HIVEP1: variants seen among roughly 807,000 people sequenced by gnomAD.
The protein encoded by HIVEP1 is HIVEP zinc finger 1, also known as zinc finger protein 40.
In HIVEP1, 36 loss-of-function variants were observed where a neutral mutation model predicts 180.0. The observed-to-expected ratio is 0.20, with a 90% CI of 0.15 to 0.26. HIVEP1 has a LOEUF of 0.26. Ranked by LOEUF, HIVEP1 falls within the 10% of genes least tolerant of loss-of-function variation. The pLI is 1.00. For missense variants in HIVEP1, 3,143 were observed against 3,268.7 expected (o/e 0.96, Z 0.94); for synonymous variants, 1,239 against 1,239.0 (o/e 1.00, Z 0.00).
At chr6:12,105,520 A>G (rs891981114) in intron 3 of HIVEP1, among the ~76,000 whole-genome samples, 1 of 152,096 alleles carries the variant, frequency 6.6e-6, no homozygotes, top group African/African-American at 2.4e-5. Flanking sequence ...GATCATGTTT[A>G]TATTTTGTCT....
intron 6 of HIVEP1, 41 bp from the exon 7 acceptor site, chr6:12,135,750 A>G: frequency 7.5e-7 from 1 of 1,325,060 alleles, no homozygotes; most frequent in Non-Finnish European, 1.1e-6. Flanking sequence ...CAATAGCAAA[A>G]TCATACTACT....
chr6:12,157,461 T>C (rs375091757), intron 7 of HIVEP1, among the ~76,000 whole-genome samples: 1 of 152,212 alleles, frequency 6.6e-6, no homozygotes, highest in Non-Finnish European at 1.5e-5. Flanking sequence ...TACTGACTTA[T>C]TATTTATACT....
intron 7 of HIVEP1, among the ~76,000 whole-genome samples, chr6:12,142,244 A>G (rs1759084908): frequency 1.3e-5 from 2 of 152,200 alleles, no homozygotes; most frequent in Admixed American, 6.5e-5. Flanking sequence ...TCAAAACCGC[A>G]CAACTACATG....
At chr6:12,015,284 A>G (rs1767669273) in intron 1 of HIVEP1, among the ~76,000 whole-genome samples, 1 of 152,178 alleles carries the variant, frequency 6.6e-6, no homozygotes, top group Non-Finnish European at 1.5e-5. Context: ...TAAAACACAA[A>G]GTGAGTTTTT....
chr6:12,030,910 C>G (rs1768896052), intron 2 of HIVEP1, among the ~76,000 whole-genome samples: 2 of 152,128 alleles, frequency 1.3e-5, no homozygotes, highest in Admixed American at 6.5e-5. Context: ...GGATTCTGAT[C>G]CTTGCTCCCT....
intron 2 of HIVEP1, among the ~76,000 whole-genome samples, chr6:12,072,098 T>A (rs1329575224): frequency 1.3e-5 from 2 of 149,506 alleles, no homozygotes; most frequent in Non-Finnish European, 3.0e-5. Context: ...TTTTTTTTTT[T>A]ATTAAATAAA....
At chr6:12,076,785 C>G (rs927726029) in intron 2 of HIVEP1, among the ~76,000 whole-genome samples, 6 of 152,068 alleles carry the variant, frequency 3.9e-5, no homozygotes, top group South Asian at 4.1e-4. Flanking sequence ...ACATCGAGAC[C>G]ACAGCAGACA....
downstream of HIVEP1, among the ~76,000 whole-genome samples, chr6:12,167,652 T>TTACATGTATCTATAC (rs1562023676): frequency 5.2e-5 from 1 of 19,214 alleles, no homozygotes; most frequent in African/African-American, 2.0e-4. Context: ...TATACATATA[T>TTACATGTATCTATAC]ATGTTATATA....
At chr6:12,042,338 C>T (rs986776892) in intron 2 of HIVEP1, among the ~76,000 whole-genome samples, 10 of 149,862 alleles carry the variant, frequency 6.7e-5, no homozygotes, top group Non-Finnish European at 1.3e-4. Flanking sequence ...GCCTCGGCCT[C>T]CCAAAGTGCT....
At chr6:12,135,405 C>G (rs566758790) in intron 6 of HIVEP1, among the ~76,000 whole-genome samples, 3 of 152,230 alleles carry the variant, frequency 2.0e-5, no homozygotes, top group East Asian at 3.9e-4. Flanking sequence ...TGCAAAGAAA[C>G]AAATGAGAAA....
chr6:12,205,150 T>A, the HIVEP1 span, among the ~76,000 whole-genome samples: 5 of 152,132 alleles, frequency 3.3e-5, no homozygotes, highest in Non-Finnish European at 7.4e-5. Context: ...GCTCTCCCTC[T>A]GAGTCAAATG....
chr6:12,165,456 C>G (rs780137587), downstream of HIVEP1, among the ~76,000 whole-genome samples: 16 of 152,270 alleles, frequency 1.1e-4, no homozygotes, highest in Non-Finnish European at 1.6e-4. Flanking sequence ...TCACAGAGCT[C>G]TGTCCAGCAC....
chr6:12,190,591 C>A, the HIVEP1 span, among the ~76,000 whole-genome samples: 2 of 152,106 alleles, frequency 1.3e-5, no homozygotes, highest in African/African-American at 2.4e-5. Flanking sequence ...TGGTGGTCAC[C>A]CATTCAGAGA....
intron 2 of HIVEP1, among the ~76,000 whole-genome samples, chr6:12,021,352 G>T (rs1286983746): frequency 1.3e-5 from 2 of 152,144 alleles, no homozygotes; most frequent in Non-Finnish European, 2.9e-5. Context: ...GTATTTCTGT[G>T]CTTGGTTGTC....
intron 2 of HIVEP1, among the ~76,000 whole-genome samples, chr6:12,018,368 G>A (rs1158348553): frequency 2.6e-5 from 4 of 152,252 alleles, no homozygotes; most frequent in East Asian, 1.9e-4. Flanking sequence ...CTCCTCAAGC[G>A]CGGCCAGAGT....
the HIVEP1 span, among the ~76,000 whole-genome samples, chr6:12,190,631 G>C: frequency 6.6e-6 from 1 of 152,070 alleles, no homozygotes; most frequent in African/African-American, 2.4e-5. Flanking sequence ...CTCTAACACA[G>C]AGCCCGTTTT....
At chr6:12,072,367 C>T (rs555051274) in intron 2 of HIVEP1, among the ~76,000 whole-genome samples, 20 of 152,224 alleles carry the variant, frequency 1.3e-4, no homozygotes, top group African/African-American at 2.4e-4. Context: ...CCTGTTGCCT[C>T]GCTGCTTCTC....
downstream of HIVEP1, among the ~76,000 whole-genome samples, chr6:12,168,283 T>TTATACA (rs1760801296): frequency 8.5e-6 from 1 of 117,612 alleles, no homozygotes; most frequent in Non-Finnish European, 1.7e-5. Context: ...TATACATATA[T>TTATACA]TATATACATA....
At chr6:12,144,822 T>C (rs548867072) in intron 7 of HIVEP1, among the ~76,000 whole-genome samples, 35 of 152,346 alleles carry the variant, frequency 2.3e-4, no homozygotes, top group African/African-American at 7.7e-4. Flanking sequence ...CACAGTGAGA[T>C]ACCATCTCAC....
Sources: allele counts gnomAD v4.1 joint callset (sites outside exome capture counted in the v4.1 genomes callset), GRCh38; gene constraint gnomAD v4.1.1; transcripts MANE v1.5; gene names NCBI Gene and HGNC (gene_info 2026-07-23, HGNC 2026-07-21).